GHRHR: variants seen among roughly 807,000 people sequenced by gnomAD.
GHRHR encodes the protein growth hormone releasing hormone receptor, also known as growth hormone-releasing hormone receptor.
A neutral mutation model predicts 58.3 loss-of-function variants in GHRHR; 40 were observed. That is an observed-to-expected ratio of 0.69 (90% confidence interval 0.53 to 0.89). The LOEUF (loss-of-function observed/expected upper bound fraction) is 0.89, where lower values mean the gene tolerates loss of function less well. GHRHR is among the 40% of genes least tolerant of loss of function. GHRHR has a pLI of 0.00. For synonymous variants in GHRHR, 249 were observed against 216.6 expected (o/e 1.15, Z -1.31); for missense variants, 551 against 541.3 (o/e 1.02, Z -0.18).
At chr7:30,978,237 T>C (rs926463172) in intron 12 of GHRHR, among the ~76,000 whole-genome samples, 2 of 152,164 alleles carry the variant, frequency 1.3e-5, no homozygotes, top group African/African-American at 2.4e-5. Context: ...CTAAGTCCCA[T>C]GCAGCCTTAT....
intron 1 of GHRHR, among the ~76,000 whole-genome samples, chr7:30,966,276 C>G (rs190721224): frequency 3.3e-5 from 5 of 152,284 alleles, no homozygotes; most frequent in Admixed American, 1.3e-4. Context: ...CTCTCTGACC[C>G]CAGCCCTGGT....
chr7:30,971,495 A>G (rs1792478978), intron 5 of GHRHR, among the ~76,000 whole-genome samples: 1 of 152,102 alleles, frequency 6.6e-6, no homozygotes, highest in African/African-American at 2.4e-5. Flanking sequence ...CCCAGCTCCT[A>G]TCTGCATCTG....
At chr7:30,972,370 C>T (rs1039483462) in intron 6 of GHRHR, among the ~76,000 whole-genome samples, 5 of 152,146 alleles carry the variant, frequency 3.3e-5, no homozygotes, top group Non-Finnish European at 7.3e-5. Flanking sequence ...CTATGCACAG[C>T]CTTTTCCTTT....
Position 30,979,501 on chromosome 7 carries a change from C to T in GHRHR, c.*257C>T, listed in dbSNP as rs1792652304. 1 of 461,024 alleles carries T rather than the reference C, an allele frequency of 2.2e-6. No individual in the cohort carries two copies. The highest frequency in any genetic ancestry group is 4.0e-6 in the Non-Finnish European group (1 of 247,860). The allele number at this position is 461,024 out of a possible 1,614,324, so 28.6% of individuals were successfully genotyped here. ...GGGCCTGGGGCTCTAGCCCAAGGCT[C>T]AGAGGAGCCAATAAACCTGTAAATG... On this transcript the variant is annotated 3_prime_UTR_variant, in exon 13 of 13. Transcript: ENST00000326139.
At chr7:30,974,255 C>A in intron 7 of GHRHR, 117 bp downstream of exon 7, 2 of 1,245,448 alleles carry the variant, frequency 1.6e-6, no homozygotes, top group Non-Finnish European at 2.3e-6. Flanking sequence ...GAGGGACAGG[C>A]CACAGTCCGG....
Position 30,974,611 on chromosome 7 carries a change from T to C in GHRHR, c.812+122T>C, listed in dbSNP as rs989704143. ...AGGAGAAGGGACTGCCCGGCTAGGA[T>C]GGGGGGTGGGAGAACAGTCTGTGAG... On this transcript the variant is annotated intron_variant, in intron 8 of 12. Transcript: ENST00000326139. The C allele has an allele frequency of 3.9e-6, 3 of 770,598 alleles. No individual in the cohort carries two copies. In the Admixed American group the frequency reaches 5.5e-5, roughly 14 times the overall value. 47.7% of individuals were successfully genotyped at this position (770,598 alleles called of 1,614,324 possible).
intron 3 of GHRHR, 27 bp downstream of exon 3, chr7:30,969,197 G>C (rs1350578124): frequency 1.1e-5 from 16 of 1,413,052 alleles, no homozygotes; most frequent in Non-Finnish European, 1.6e-5. Flanking sequence ...GTGGCGGTGG[G>C]AAAGGGAGGT....
At chr7:30,964,790 T>C (rs186119327) in intron 1 of GHRHR, among the ~76,000 whole-genome samples, 1 of 152,274 alleles carries the variant, frequency 6.6e-6, no homozygotes, top group Non-Finnish European at 1.5e-5. Flanking sequence ...GCACGGGGCA[T>C]CAGGAGAGAG....
At chr7:30,971,855 A>C in intron 5 of GHRHR, 108 bp from the exon 6 acceptor site, 1 of 984,154 alleles carries the variant, frequency 1.0e-6, no homozygotes, top group Non-Finnish European at 1.6e-6. Context: ...GTTTGATTGC[A>C]TCCAGTTTGA....
At position 30,975,859 on chromosome 7, in the gene GHRHR, C is replaced by G. The variant is rs768685160; in HGVS notation, c.965C>G (p.Ser322Cys). 66 of 1,577,674 alleles carry G rather than the reference C, an allele frequency of 4.2e-5. No homozygotes were observed. The highest frequency in any genetic ancestry group is 5.5e-5 in the Non-Finnish European group (63 of 1,146,808). Residue 322 changes from serine to cysteine, a missense_variant, in exon 10 of 13, where the codon TCT becomes TGT. By Grantham distance (112) the Ser-to-Cys change is moderately radical. Coordinates refer to ENST00000326139, the MANE Select transcript of GHRHR (RefSeq NM_000823.4). ...GCTCAGGGCAGCCTCCATACCCAGT[C>G]TCAGTATTGGTACTGTGTGTTTGTG... ...EPAQGSLHTQ[S>C]QYWRLSKSTL...
At chr7:30,964,373 T>C (rs1377442999) in intron 1 of GHRHR, among the ~76,000 whole-genome samples, 2 of 148,542 alleles carry the variant, frequency 1.3e-5, no homozygotes, top group Non-Finnish European at 3.0e-5. Context: ...GGGGCTGAGC[T>C]GAGCTCACCT....
chr7:30,972,570 G>A (rs1792500974), intron 6 of GHRHR, among the ~76,000 whole-genome samples: 1 of 152,132 alleles, frequency 6.6e-6, no homozygotes, highest in Non-Finnish European at 1.5e-5. Flanking sequence ...GAGGACCCTG[G>A]AGCTGTATTG....
chr7:30,970,345 C>A (rs10278927), intron 4 of GHRHR, among the ~76,000 whole-genome samples: 1 of 152,052 alleles, frequency 6.6e-6, no homozygotes, highest in Non-Finnish European at 1.5e-5. Flanking sequence ...TGCATGGTTG[C>A]GATGTGGGCA....
Position 30,969,141 on chromosome 7 carries a change from A to T in GHRHR, c.239A>T (p.Asp80Val). 1 of 1,571,596 alleles carries T rather than the reference A, an allele frequency of 6.4e-7. No individual in the cohort carries two copies. Among genetic ancestry groups the T allele is most frequent in the Admixed American group, 1.9e-5 (1 of 53,234 alleles). ...SGEWVTLPCPDFFSHFSSESG... is the reference protein window; with the variant it reads ...SGEWVTLPCPVFFSHFSSESG... ...GAGTGGGTCACCCTCCCCTGCCCGG[A>T]TTTCTTCTCTCACTTCAGCTCAGAG... is the stretch of plus-strand genomic sequence containing the variant. Residue 80 changes from aspartate (D) to valine (V), a missense_variant, in exon 3 of 13, where the codon GAT (aspartate) becomes GTT (valine). Asp to Val is a radical substitution (Grantham distance 152). Transcript: ENST00000326139.
Position 30,975,802 on chromosome 7 carries a change from T to G in GHRHR, c.908T>G (p.Ile303Ser). 6.2e-7 allele frequency: 1 copy of G among 1,611,650 alleles called. No individual in the cohort carries two copies. The highest frequency in any genetic ancestry group is 2.2e-5 in the East Asian group (1 of 44,862). Reference sequence around the variant, plus strand: ...GTGAACTTTGGGCTTTTTCTCAATATTATCCGCATCCTGGTGAGGAAACTG... The same window carrying G: ...GTGAACTTTGGGCTTTTTCTCAATAGTATCCGCATCCTGGTGAGGAAACTG... ...VGVNFGLFLNIIRILVRKLEP... is the reference protein window; with the variant it reads ...VGVNFGLFLNSIRILVRKLEP... Residue 303 changes from isoleucine (I) to serine (S), a missense_variant, in exon 10 of 13, where the codon ATT becomes AGT. Coordinates refer to ENST00000326139, the MANE Select transcript of GHRHR (RefSeq NM_000823.4).
Position 30,976,615 on chromosome 7 carries a change from GT to G in GHRHR, c.1104+59del. 7 of 1,518,670 alleles carry G rather than the reference GT, an allele frequency of 4.6e-6. No homozygotes were observed. The South Asian group carries it at 8.0e-5, about 17-fold the overall frequency. The allele number at this position is 1,518,670 out of a possible 1,614,324, so 94.1% of individuals were successfully genotyped here. A position where few individuals can be genotyped will look rare whatever the true frequency, so the allele number is the denominator to read the frequency against. Reference sequence around the variant, plus strand: ...ATTGAGGGTGCTGGAGGGAGGTGCTGTTGCCCACGGGCCTTGGCTGAGTTCA... The same window carrying G: ...ATTGAGGGTGCTGGAGGGAGGTGCTGTGCCCACGGGCCTTGGCTGAGTTCA... On this transcript the variant is annotated intron_variant, in intron 11 of 12. Transcript: ENST00000326139.
chr7:30,969,514 G>A (rs190208318), intron 3 of GHRHR: 3 of 598,744 alleles, frequency 5.0e-6, no homozygotes, highest in Admixed American at 3.0e-5. Context: ...GAGAGGGTGG[G>A]GCACTCTGCT....
intron 1 of GHRHR, among the ~76,000 whole-genome samples, chr7:30,965,258 T>C (rs1792324225): frequency 6.6e-6 from 1 of 152,200 alleles, no homozygotes; most frequent in South Asian, 2.1e-4. Context: ...GTGGTGGCCA[T>C]TCAGCAGATG....
rs760999972 is a variant in GHRHR at position 30,968,640 on chromosome 7, C to CCCTTCCTTCCTTCCTTCCTTCCTT, written c.58-191_58-168dup. Among the ~76,000 whole-genome samples the CCCTTCCTTCCTTCCTTCCTTCCTT allele has an allele frequency of 1.8e-3, 148 of 81,788 alleles. 2 individuals are homozygous for CCCTTCCTTCCTTCCTTCCTTCCTT. Among genetic ancestry groups the CCCTTCCTTCCTTCCTTCCTTCCTT allele is most frequent in the Middle Eastern group, 8.5e-3 (1 of 118 alleles). The allele number at this position is 81,788 out of a possible 152,430, so 53.7% of individuals were successfully genotyped here. On this transcript the variant is annotated intron_variant, in intron 1 of 12. Coordinates refer to ENST00000326139, the MANE Select transcript of GHRHR (RefSeq NM_000823.4). The stretch of plus-strand genomic sequence containing the variant: ...TCCCTCCCTCCCTCCCTCCCTCCCT[C>CCCTTCCTTCCTTCCTTCCTTCCTT]CCTTCCTTCCTTCCTTCCTTCCTTC...
Sources: allele counts gnomAD v4.1 joint callset (sites outside exome capture counted in the v4.1 genomes callset), GRCh38; gene constraint gnomAD v4.1.1; transcripts MANE v1.5; gene names NCBI Gene and HGNC (gene_info 2026-07-23, HGNC 2026-07-21).